Variants in NLGN4X observed in about 807,000 individuals in gnomAD.
NLGN4X encodes the protein neuroligin-4, X-linked.
NLGN4X carries 3 observed loss-of-function variants against 40.3 expected under a neutral mutation model. That is an observed-to-expected ratio of 0.07 (90% CI 0.03 to 0.19). The LOEUF (loss-of-function observed/expected upper bound fraction) is 0.19. Among genes scored for constraint, NLGN4X ranks in the 10% least tolerant of loss-of-function variants. The pLI, the probability that NLGN4X is intolerant of heterozygous loss-of-function variation, is 1.00. For missense variants in NLGN4X, 382 were observed against 708.3 expected, an observed-to-expected ratio of 0.54 and a Z score of 5.23; for synonymous variants, 270 against 306.8, an observed-to-expected ratio of 0.88 and a Z score of 1.25.
chrX:6,205,944 A>G (rs769897603), intron 1 of NLGN4X, among the ~76,000 whole-genome samples: 3 of 112,041 alleles, frequency 2.7e-5, no homozygotes, highest in Non-Finnish European at 3.8e-5. Flanking sequence ...GGAGCATCTC[A>G]TATCCCTAAT....
At chrX:5,922,299 A>G (rs1475236910) in intron 3 of NLGN4X, among the ~76,000 whole-genome samples, 1 of 111,158 alleles carries the variant, frequency 9.0e-6, no homozygotes, top group Non-Finnish European at 1.9e-5. Flanking sequence ...GGGTGACTGT[A>G]GTTAAAAATA....
intron 3 of NLGN4X, among the ~76,000 whole-genome samples, chrX:5,980,096 T>C (rs2035338608): frequency 9.3e-6 from 1 of 106,952 alleles, no homozygotes; most frequent in Non-Finnish European, 1.9e-5. Flanking sequence ...ATATATGATA[T>C]ATTTTATATA....
intron 2 of NLGN4X, among the ~76,000 whole-genome samples, chrX:6,055,996 C>T (rs1445292579): frequency 8.9e-6 from 1 of 112,326 alleles, no homozygotes; most frequent in African/African-American, 3.2e-5. Flanking sequence ...GATGTCAACA[C>T]TACTATATCA....
chrX:5,907,440 C>G (rs772304263), intron 4 of NLGN4X, among the ~76,000 whole-genome samples: 8 of 111,792 alleles, frequency 7.2e-5, no homozygotes, highest in Non-Finnish European at 1.5e-4. Flanking sequence ...CTCAGGCACT[C>G]CAGCAGGGCT....
At chrX:6,128,483 G>A (rs2147610305) in intron 2 of NLGN4X, among the ~76,000 whole-genome samples, 1 of 111,849 alleles carries the variant, frequency 8.9e-6, no homozygotes, top group East Asian at 2.8e-4. Context: ...TTTAACAGCT[G>A]GTATTCAATG....
chrX:5,931,988 C>T (rs1185213699), intron 3 of NLGN4X, among the ~76,000 whole-genome samples: 2 of 111,610 alleles, frequency 1.8e-5, no homozygotes, highest in East Asian at 2.8e-4. Context: ...CCCATCTTCT[C>T]TTCTCCATAC....
chrX:6,127,836 G>A (rs1430551015), intron 2 of NLGN4X, among the ~76,000 whole-genome samples: 1 of 112,072 alleles, frequency 8.9e-6, no homozygotes. Flanking sequence ...AGGAGAAACC[G>A]TTAGAAAGAA....
rs57126739 is a variant in NLGN4X at position 6,032,225 on chromosome X, G to GCC, written c.473-2795_473-2794dup. The stretch of plus-strand genomic sequence containing the variant: ...GAAGAAAAAAAAAACTGATATTTCA[G>GCC]CCCCCCCCCCCCCAAAAAAAATTCT... On this transcript the variant is annotated intron_variant, in intron 2 of 5. Transcript: ENST00000381095. Among the ~76,000 whole-genome samples, 134 of 71,045 alleles carry GCC rather than the reference G, an allele frequency of 1.9e-3. 3 individuals are homozygous for GCC. The highest frequency in any genetic ancestry group is 7.1e-3 in the African/African-American group (117 of 16,391). The allele number at this position is 71,045 out of a possible 115,157, so 61.7% of individuals were successfully genotyped here.
intron 2 of NLGN4X, among the ~76,000 whole-genome samples, chrX:6,107,805 T>A (rs1478791019): frequency 8.9e-6 from 1 of 112,123 alleles, no homozygotes; most frequent in Non-Finnish European, 1.9e-5. Context: ...ATGCTATATT[T>A]GATTTTATGT....
chrX:6,160,557 G>A (rs183478529), intron 1 of NLGN4X, among the ~76,000 whole-genome samples: 3,852 of 106,190 alleles, frequency 0.036, 79 homozygotes, highest in Non-Finnish European at 0.051. Flanking sequence ...TTGAGACAGA[G>A]TTTCACTCTG....
At chrX:5,915,858 A>G (rs2032768200) in intron 3 of NLGN4X, among the ~76,000 whole-genome samples, 1 of 112,090 alleles carries the variant, frequency 8.9e-6, no homozygotes. Context: ...AGTATTTTCA[A>G]CTGAACACTT....
chrX:5,940,603 A>AG lies in NLGN4X; in HGVS notation c.626-31365_626-31364insC, dbSNP rs1408640475. Among the ~76,000 whole-genome samples, 5 of 109,762 alleles carry AG rather than the reference A, an allele frequency of 4.6e-5. No homozygotes were observed. The Admixed American group carries it at 4.8e-4, about 11-fold the overall frequency. ...ACTGTTTGGTTCTATTCTCTAGAAA[A>AG]AAAAAAAACTTTTTTTTTTTTAGCT... On this transcript the variant is annotated intron_variant, in intron 3 of 5. Transcript: ENST00000381095.
intron 3 of NLGN4X, among the ~76,000 whole-genome samples, chrX:5,943,015 G>A (rs1443715770): frequency 8.9e-6 from 1 of 111,775 alleles, no homozygotes; most frequent in African/African-American, 3.3e-5. Flanking sequence ...GTCAAGATAA[G>A]CTGATTATCC....
intron 1 of NLGN4X, among the ~76,000 whole-genome samples, chrX:6,209,434 G>A (rs750712012): frequency 7.2e-5 from 8 of 111,069 alleles, no homozygotes; most frequent in Admixed American, 2.9e-4. Flanking sequence ...AGAAGCTTGA[G>A]TCCAGCAATA....
In NLGN4X at chrX:6,096,618, T is replaced by C. The variant is rs186167758; in HGVS notation, c.472+54377A>G. Among the ~76,000 whole-genome samples, 3 of 111,807 alleles carry C rather than the reference T, an allele frequency of 2.7e-5. No individual in the cohort carries two copies. In the East Asian group the frequency reaches 8.5e-4, roughly 32 times the overall value. ...GAGCGGACTGTTGTATGTCATTATG[T>C]GAGAAATTTAAGGCCAAAGAGGTTA... is the stretch of plus-strand genomic sequence containing the variant. On this transcript the variant is annotated intron_variant, in intron 2 of 5. Transcript: ENST00000381095.
At chrX:5,902,382 T>C (rs747052948) in intron 5 of NLGN4X, among the ~76,000 whole-genome samples, 3 of 110,868 alleles carry the variant, frequency 2.7e-5, no homozygotes, top group African/African-American at 9.9e-5. Context: ...AAGGGCATGG[T>C]GGTGCACGCC....
intron 2 of NLGN4X, among the ~76,000 whole-genome samples, chrX:6,084,941 A>G (rs2038460233): frequency 9.0e-6 from 1 of 110,565 alleles, no homozygotes; most frequent in Non-Finnish European, 1.9e-5. Context: ...ATGGACTAAG[A>G]CAGATTACAA....
intron 3 of NLGN4X, among the ~76,000 whole-genome samples, chrX:5,911,926 T>C (rs2032494810): frequency 9.0e-6 from 1 of 111,725 alleles, no homozygotes; most frequent in African/African-American, 3.3e-5. Flanking sequence ...CTAAACCACC[T>C]TTGTAAAAGT....
At chrX:5,970,274 A>C (rs2034986380) in intron 3 of NLGN4X, among the ~76,000 whole-genome samples, 1 of 111,888 alleles carries the variant, frequency 8.9e-6, no homozygotes, top group African/African-American at 3.2e-5. Flanking sequence ...CCAACATGGC[A>C]CATGTATACA....
Sources: allele counts gnomAD v4.1 joint callset (sites outside exome capture counted in the v4.1 genomes callset), GRCh38; gene constraint gnomAD v4.1.1; transcripts MANE v1.5; gene names NCBI Gene and HGNC (gene_info 2026-07-23, HGNC 2026-07-21).